The following CCNC variants were observed in gnomAD, a reference collection of about 807,000 sequenced individuals.
CCNC encodes cyclin C.
Under a neutral mutation model 50.0 loss-of-function variants are expected in CCNC, and 19 were observed. That is an observed-to-expected ratio of 0.38 (90% confidence interval 0.27 to 0.56). The LOEUF (loss-of-function observed/expected upper bound fraction) is 0.56, where lower values mean the gene tolerates loss of function less well. Among genes scored for constraint, CCNC ranks in the 20% least tolerant of loss-of-function variants. The probability of loss-of-function intolerance (pLI) is 0.72; values close to 1 mark genes in which losing one functional copy is unlikely to be tolerated. For synonymous variants in CCNC, 93 were observed against 103.7 expected (o/e 0.90, Z 0.63); for missense variants, 200 against 327.1 (o/e 0.61, Z 3.00).
At chr6:99,560,258 A>G (rs1011685070) in intron 4 of CCNC, among the ~76,000 whole-genome samples, 4 of 152,242 alleles carry the variant, frequency 2.6e-5, no homozygotes, top group African/African-American at 9.6e-5. Context: ...CAAATATTAC[A>G]TAGAATTATT....
At chr6:99,560,794 T>G (rs1245871872) in intron 4 of CCNC, among the ~76,000 whole-genome samples, 1 of 152,240 alleles carries the variant, frequency 6.6e-6, no homozygotes, top group African/African-American at 2.4e-5. Flanking sequence ...TTAGACTCTA[T>G]ATAGCTATAG....
intron 1 of CCNC, 140 bp from the exon 2 acceptor site, chr6:99,563,088 G>A (rs1482874753): frequency 2.0e-5 from 12 of 610,606 alleles, no homozygotes; most frequent in South Asian, 1.2e-4. Flanking sequence ...TTCTTGAAAC[G>A]TGACTAATAA....
At chr6:99,555,382 GT>G (rs1802470480) in intron 5 of CCNC, among the ~76,000 whole-genome samples, 1 of 151,830 alleles carries the variant, frequency 6.6e-6, no homozygotes, top group South Asian at 2.1e-4. Flanking sequence ...TCTCAAAGAT[GT>G]TTTTTTCTTT....
chr6:99,543,671 T>G, intron 11 of CCNC, 62 bp from the exon 12 acceptor site: 1 of 1,599,118 alleles, frequency 6.3e-7, no homozygotes, highest in Non-Finnish European at 8.5e-7. Flanking sequence ...TACACCCTGA[T>G]AAGCCTACTG....
At chr6:99,568,470 A>C (rs1160263762) in intron 1 of CCNC, 26 bp downstream of exon 1, 1 of 1,609,252 alleles carries the variant, frequency 6.2e-7, no homozygotes, top group Non-Finnish European at 8.5e-7. Context: ...AACCGGCCCC[A>C]GGTGAGAAGA....
At chr6:99,559,227 CT>C (rs35511319) in intron 4 of CCNC, among the ~76,000 whole-genome samples, 2 of 151,398 alleles carry the variant, frequency 1.3e-5, no homozygotes, top group Admixed American at 6.6e-5. Flanking sequence ...AGTTACTATC[CT>C]TTTTAGAACA....
chr6:99,546,722 A>G (rs9494694), intron 9 of CCNC, among the ~76,000 whole-genome samples: 4,472 of 152,276 alleles, frequency 0.029, 258 homozygotes, highest in African/African-American at 0.1. Flanking sequence ...TTGCCTTGAG[A>G]GTCAGGCACG....
intron 4 of CCNC, among the ~76,000 whole-genome samples, chr6:99,558,949 A>C (rs1204506318): frequency 6.6e-6 from 1 of 152,168 alleles, no homozygotes; most frequent in Non-Finnish European, 1.5e-5. Flanking sequence ...ATTTTAAAAT[A>C]ATTTTATAAT....
intron 5 of CCNC, among the ~76,000 whole-genome samples, chr6:99,553,427 T>A (rs1418899060): frequency 6.6e-6 from 1 of 152,224 alleles, no homozygotes; most frequent in Non-Finnish European, 1.5e-5. Context: ...TACTGTCACA[T>A]GTCTGTTACT....
At chr6:99,549,306 A>T in intron 9 of CCNC, 2 of 596,742 alleles carry the variant, frequency 3.4e-6, no homozygotes, top group Non-Finnish European at 5.9e-6. Context: ...AAAAAAAAAA[A>T]CTTACCAAAA....
chr6:99,562,603 T>C (rs1324521087), intron 2 of CCNC: 1 of 393,554 alleles, frequency 2.5e-6, no homozygotes, highest in African/African-American at 2.1e-5. Context: ...TATAAAGTCT[T>C]AGGGAGATTA....
At position 99,562,882 on chromosome 6, in the gene CCNC, T is replaced by C. The variant is rs80020355; in HGVS notation, c.99A>G (p.Ser33=). Reference sequence around the variant, plus strand: ...TTTGTAACTTCCAATATTCTTCCTCTGAGAGAAACTTTAAATCCTTTTGGC... The same window carrying C: ...TTTGTAACTTCCAATATTCTTCCTCCGAGAGAAACTTTAAATCCTTTTGGC... ...KERQKDLKFL[S]EEEYWKLQIF... Residue 33 remains serine (S), a synonymous_variant, in exon 2 of 12, where the codon TCA becomes TCG. Coordinates refer to ENST00000520429, the MANE Select transcript of CCNC (RefSeq NM_005190.4). The C allele has an allele frequency of 3.4e-4, 548 of 1,605,276 alleles. 1 individual carries two copies. In the East Asian group the frequency reaches 0.01, roughly 29 times the overall value.
In CCNC at chr6:99,545,095, T is replaced by A; in HGVS notation, c.797+17A>T. The A allele has an allele frequency of 8.5e-7, 1 of 1,179,386 alleles. No individual in the cohort carries two copies. The highest frequency in any genetic ancestry group is 1.3e-6 in the Non-Finnish European group (1 of 787,404). 73.1% of individuals were successfully genotyped at this position (1,179,386 alleles called of 1,614,324 possible). On this transcript the variant is annotated intron_variant, in intron 11 of 11. Transcript: ENST00000520429. ...TATATGATTAAATGACATCAATAAT[T>A]AAAGTCTACAAAGTACCTGTTTGGA... is the stretch of plus-strand genomic sequence containing the variant.
At position 99,545,255 on chromosome 6, in the gene CCNC, C is replaced by T. The variant is rs368461630; in HGVS notation, c.679-25G>A. On this transcript the variant is annotated intron_variant, in intron 10 of 11. Coordinates refer to ENST00000520429, the MANE Select transcript of CCNC (RefSeq NM_005190.4). The stretch of plus-strand genomic sequence containing the variant: ...TCTAGAAGAAAATATTTGAAAAGTT[C>T]TCAGTGGCAAAAACAAGCAACATTT... 177 of 1,262,376 alleles carry T rather than the reference C, an allele frequency of 1.4e-4. No homozygotes were observed. In the South Asian group the frequency reaches 2.0e-3, roughly 14 times the overall value. 78.2% of individuals were successfully genotyped at this position (1,262,376 alleles called of 1,614,324 possible).
At position 99,549,548 on chromosome 6, in the gene CCNC, C is replaced by A; in HGVS notation, c.558G>T (p.Thr186=). Residue 186 remains threonine, a synonymous_variant, in exon 9 of 12, where the codon ACG becomes ACT. Transcript: ENST00000520429. ...AAGGAGGATACAGTAGGCAAAGATC[C>A]GTTCTGTAGGTATCATTCACTATCC... ...AWRIVNDTYR[T]DLCLLYPPFM... is the part of the protein sequence containing the mutation. 6.2e-7 allele frequency: 1 copy of A among 1,605,706 alleles called. No individual in the cohort carries two copies.
At chr6:99,554,162 G>A (rs1256528601) in intron 5 of CCNC, among the ~76,000 whole-genome samples, 1 of 151,758 alleles carries the variant, frequency 6.6e-6, no homozygotes, top group East Asian at 1.9e-4. Context: ...TTTGTCTGAT[G>A]TTTTTCTCAT....
intron 1 of CCNC, chr6:99,568,239 C>T (rs2236383): frequency 0.16 from 86,607 of 545,786 alleles, 7,782 homozygotes; most frequent in Middle Eastern, 0.23. Context: ...AATTAAACTC[C>T]GAAACGTTCC....
chr6:99,555,276 G>T (rs1189428739), intron 5 of CCNC, among the ~76,000 whole-genome samples: 1 of 151,994 alleles, frequency 6.6e-6, no homozygotes, highest in Non-Finnish European at 1.5e-5. Context: ...TTTTAATATA[G>T]TTAGACTATT....
intron 4 of CCNC, among the ~76,000 whole-genome samples, chr6:99,561,024 C>T (rs569279886): frequency 1.3e-5 from 2 of 152,292 alleles, no homozygotes; most frequent in South Asian, 2.1e-4. Flanking sequence ...GGATTGGTAA[C>T]GAGACTCCCA....
Sources: allele counts gnomAD v4.1 joint callset (sites outside exome capture counted in the v4.1 genomes callset), GRCh38; gene constraint gnomAD v4.1.1; transcripts MANE v1.5; gene names NCBI Gene and HGNC (gene_info 2026-07-23, HGNC 2026-07-21).